The following ERC2 variants were observed in gnomAD, a reference collection of about 807,000 sequenced individuals.
ERC2 encodes the protein ELKS/RAB6-interacting/CAST family member 2, also known as ERC protein 2.
ERC2 carries 42 observed loss-of-function variants against 114.8 expected under a neutral mutation model. The observed-to-expected ratio is 0.37, with a 90% CI of 0.29 to 0.47. The LOEUF is 0.47. Ranked by LOEUF, ERC2 falls within the 20% of genes least tolerant of loss-of-function variation. ERC2 has a pLI of 0.99. For missense variants in ERC2, 939 were observed against 1,150.7 expected (o/e 0.82, Z 2.66); for synonymous variants, 454 against 425.5 (o/e 1.07, Z -0.82).
intron 12 of ERC2, among the ~76,000 whole-genome samples, chr3:55,967,163 C>T (rs759240592): frequency 6.6e-6 from 1 of 151,994 alleles, no homozygotes; most frequent in Non-Finnish European, 1.5e-5. Flanking sequence ...CTAAAGTTTT[C>T]GAAAATTCCT....
chr3:55,995,718 G>C (rs1248800228), intron 10 of ERC2, among the ~76,000 whole-genome samples: 3 of 152,164 alleles, frequency 2.0e-5, no homozygotes, highest in Non-Finnish European at 4.4e-5. Flanking sequence ...TACATAACCA[G>C]CTCTATTCAG....
chr3:56,369,820 G>A (rs1389945421), intron 2 of ERC2, among the ~76,000 whole-genome samples: 4 of 152,142 alleles, frequency 2.6e-5, no homozygotes, highest in African/African-American at 7.2e-5. Context: ...GGGACTACAG[G>A]TGCACGCCAT....
chr3:56,343,209 C>CACACACACACAA (rs770124999), intron 2 of ERC2, among the ~76,000 whole-genome samples: 3 of 150,718 alleles, frequency 2.0e-5, no homozygotes, highest in East Asian at 1.9e-4. Flanking sequence ...CACACACACA[C>CACACACACACAA]AAACACACAC....
chr3:55,993,224 C>G (rs1377484437), intron 10 of ERC2, among the ~76,000 whole-genome samples: 1 of 152,150 alleles, frequency 6.6e-6, no homozygotes, highest in Non-Finnish European at 1.5e-5. Flanking sequence ...AGTGCACATT[C>G]AACATAGAAA....
intron 2 of ERC2, among the ~76,000 whole-genome samples, chr3:56,343,061 C>T (rs2058152632): frequency 6.6e-6 from 1 of 152,092 alleles, no homozygotes; most frequent in African/African-American, 2.4e-5. Context: ...CCATACCAAC[C>T]TTTCCCACCA....
At chr3:55,677,213 A>T (rs987067787) in intron 17 of ERC2, among the ~76,000 whole-genome samples, 1 of 152,212 alleles carries the variant, frequency 6.6e-6, no homozygotes. Context: ...ACCCTCTGCT[A>T]TAAACAGGGA....
chr3:56,276,079 C>G (rs968147336), intron 3 of ERC2, among the ~76,000 whole-genome samples: 1 of 152,192 alleles, frequency 6.6e-6, no homozygotes. Flanking sequence ...CTCCATAAAG[C>G]CTGATAGAAA....
intron 7 of ERC2, among the ~76,000 whole-genome samples, chr3:56,061,872 A>T (rs1405568952): frequency 1.3e-5 from 2 of 152,242 alleles, no homozygotes; most frequent in African/African-American, 2.4e-5. Flanking sequence ...AAAGTATTTT[A>T]AAATGGAGGA....
chr3:55,631,903 A>C (rs1179373), intron 17 of ERC2, among the ~76,000 whole-genome samples: 3 of 152,054 alleles, frequency 2.0e-5, no homozygotes, highest in Non-Finnish European at 4.4e-5. Context: ...TATCTCATTC[A>C]ACTTTCACAA....
chr3:55,665,944 A>G (rs527268184), intron 17 of ERC2, among the ~76,000 whole-genome samples: 1 of 152,322 alleles, frequency 6.6e-6, no homozygotes, highest in South Asian at 2.1e-4. Flanking sequence ...AGATGGATTT[A>G]GACTTGGGCA....
At chr3:56,016,052 T>C (rs1370762505) in intron 8 of ERC2, among the ~76,000 whole-genome samples, 3 of 151,716 alleles carry the variant, frequency 2.0e-5, no homozygotes, top group East Asian at 3.9e-4. Context: ...TTAGTGGGGT[T>C]GTTTGTTTGT....
At chr3:56,006,371 C>A (rs971998660) in intron 10 of ERC2, among the ~76,000 whole-genome samples, 47 of 152,140 alleles carry the variant, frequency 3.1e-4, no homozygotes, top group African/African-American at 1.1e-3. Flanking sequence ...ATGAATTATA[C>A]ATAGTCAAAT....
At chr3:56,291,061 C>G (rs1315475982) in intron 3 of ERC2, among the ~76,000 whole-genome samples, 2 of 152,194 alleles carry the variant, frequency 1.3e-5, no homozygotes, top group African/African-American at 2.4e-5. Context: ...ACCCCTATCT[C>G]TCTTCTAAGG....
intron 2 of ERC2, among the ~76,000 whole-genome samples, chr3:56,409,055 A>T (rs939812911): frequency 2.6e-5 from 4 of 152,166 alleles, no homozygotes; most frequent in Non-Finnish European, 5.9e-5. Flanking sequence ...CATCTCACAC[A>T]CGCTCCTGTG....
chr3:55,931,544 T>G (rs1226493216), intron 13 of ERC2, among the ~76,000 whole-genome samples: 1 of 151,974 alleles, frequency 6.6e-6, no homozygotes, highest in Non-Finnish European at 1.5e-5. Flanking sequence ...TAAATGCAAA[T>G]TGAACAATGA....
At chr3:55,950,766 G>A (rs2067446103) in intron 12 of ERC2, among the ~76,000 whole-genome samples, 1 of 152,248 alleles carries the variant, frequency 6.6e-6, no homozygotes, top group African/African-American at 2.4e-5. Context: ...TGGGGCTGCA[G>A]TGGCAAATGG....
chr3:56,048,536 A>G (rs2075595843), intron 7 of ERC2, among the ~76,000 whole-genome samples: 1 of 152,216 alleles, frequency 6.6e-6, no homozygotes, highest in Admixed American at 6.5e-5. Context: ...TGGTCTGACT[A>G]CATACTATTA....
chr3:56,434,939 C>T lies in ERC2; in HGVS notation c.69G>A (p.Arg23=). The T allele has an allele frequency of 6.2e-7, 1 of 1,613,670 alleles. No individual in the cohort carries two copies. The highest frequency in any genetic ancestry group is 8.5e-7 in the Non-Finnish European group (1 of 1,179,840). The change falls in exon 2 of 18, where the codon AGG becomes AGA. Residue 23 remains arginine (R), a synonymous_variant. Coordinates refer to ENST00000288221, the MANE Select transcript of ERC2 (RefSeq NM_015576.3). ...TTCTTCGGTGGCCCAAACGAGGAGA[C>T]CTTGGCAAACGAGGGGATCTGGAAG... The part of the protein sequence containing the change: ...GSPSRSPRLP[R]SPRLGHRRTS...
At chr3:56,112,195 A>G (rs1454614351) in intron 6 of ERC2, among the ~76,000 whole-genome samples, 1 of 152,206 alleles carries the variant, frequency 6.6e-6, no homozygotes, top group Non-Finnish European at 1.5e-5. Context: ...CATCACTTGG[A>G]TAAAAATGCT....
Sources: allele counts gnomAD v4.1 joint callset (sites outside exome capture counted in the v4.1 genomes callset), GRCh38; gene constraint gnomAD v4.1.1; transcripts MANE v1.5; gene names NCBI Gene and HGNC (gene_info 2026-07-23, HGNC 2026-07-21).